Variants in TTBK1 observed in about 807,000 individuals in gnomAD.
The protein encoded by TTBK1 is tau-tubulin kinase 1.
In TTBK1, 34 loss-of-function variants were observed where a neutral mutation model predicts 108.5. The observed-to-expected ratio is 0.31, with a 90% CI of 0.24 to 0.42. TTBK1 has a LOEUF of 0.42. Ranked by LOEUF, TTBK1 falls within the 10% of genes least tolerant of loss-of-function variation. TTBK1 has a pLI of 1.00. For missense variants in TTBK1, 1,539 were observed against 1,826.0 expected (o/e 0.84, Z 2.86); for synonymous variants, 809 against 795.1 (o/e 1.02, Z -0.29).
chr6:43,264,817 G>T (rs184362040), intron 13 of TTBK1, among the ~76,000 whole-genome samples: 43 of 152,292 alleles, frequency 2.8e-4, no homozygotes, highest in Admixed American at 1.3e-4. Context: ...GAGCCAAGGC[G>T]AGAGAGACTA....
intron 1 of TTBK1, among the ~76,000 whole-genome samples, chr6:43,245,394 TC>T (rs1777059469): frequency 6.6e-6 from 1 of 152,144 alleles, no homozygotes; most frequent in African/African-American, 2.4e-5. Context: ...CCAAATCCTG[TC>T]CTGGGTTGGC....
rs1435782131 is a variant in TTBK1, at chr6:43,259,369, G to A, written c.1248+100G>A. 5.1e-5 allele frequency: 65 copies of A among 1,277,970 alleles called. No homozygotes were observed. Among genetic ancestry groups the A allele is most frequent in the South Asian group, 7.5e-5 (5 of 66,258 alleles). The allele number at this position is 1,277,970 out of a possible 1,614,324, so 79.2% of individuals were successfully genotyped here. The stretch of plus-strand genomic sequence containing the variant: ...TGTTCCTCCTAAGCACCCTGTCCCC[G>A]GCCATCTGCCTGCTTGCCCTGCCTC... On this transcript the variant is annotated intron_variant, in intron 11 of 14. Transcript: ENST00000259750. The surrounding 1 kb of genome is among the most constrained non-coding windows in gnomAD (Gnocchi z 6.7).
chr6:43,257,693 A>T lies in TTBK1; in HGVS notation c.862-119A>T. The T allele has an allele frequency of 1.0e-6, 1 of 988,402 alleles. No individual in the cohort carries two copies. The highest frequency in any genetic ancestry group is 1.6e-5 in the South Asian group (1 of 61,782). The allele number at this position is 988,402 out of a possible 1,614,324, so 61.2% of individuals were successfully genotyped here. ...CCGTTCTCCTTCCAATGCCCCCTCC[A>T]GGCCCATTCCTGTCCTGGAAAGTCC... is the stretch of plus-strand genomic sequence containing the variant. On this transcript the variant is annotated intron_variant, in intron 9 of 14. Coordinates refer to ENST00000259750, the MANE Select transcript of TTBK1 (RefSeq NM_032538.3). The surrounding 1 kb of genome is among the most constrained non-coding windows in gnomAD (Gnocchi z 4.5).
At chr6:43,250,187 C>G (rs559557965) in intron 2 of TTBK1, among the ~76,000 whole-genome samples, 1 of 152,048 alleles carries the variant, frequency 6.6e-6, no homozygotes, top group African/African-American at 2.4e-5. Flanking sequence ...TTGGCTGTCC[C>G]GAGCCTTCCT....
rs187383638 is a variant in TTBK1 at position 43,254,427 on chromosome 6, C to A, written c.472-120C>A. The stretch of plus-strand genomic sequence containing the variant: ...ACATGTGAATACTGACGTTTCCTTG[C>A]GGGCGAGTGAATGTGGGGCTGAAAG... On this transcript the variant is annotated intron_variant, in intron 5 of 14. Transcript: ENST00000259750. 1.7e-5 allele frequency: 11 copies of A among 642,770 alleles called. No homozygotes were observed. The African/African-American group carries it at 2.1e-4, about 12-fold the overall frequency. 39.8% of individuals were successfully genotyped at this position (642,770 alleles called of 1,614,324 possible).
At chr6:43,275,260 A>G (rs1203910156) in intron 13 of TTBK1, among the ~76,000 whole-genome samples, 1 of 150,944 alleles carries the variant, frequency 6.6e-6, no homozygotes, top group African/African-American at 2.4e-5. Flanking sequence ...CGCCCCACAC[A>G]GCGCCCCGCG....
intron 2 of TTBK1, among the ~76,000 whole-genome samples, chr6:43,250,971 GC>G (rs1777222882): frequency 6.6e-6 from 1 of 152,184 alleles, no homozygotes; most frequent in Non-Finnish European, 1.5e-5. Context: ...TCCCCTCCTG[GC>G]TCTGAGATCC....
Position 43,262,797 on chromosome 6 carries a change from T to C in TTBK1, c.1433T>C (p.Met478Thr), listed in dbSNP as rs1402530516. Residue 478 changes from methionine (M) to threonine (T), a missense_variant, in exon 13 of 15, where the codon ATG (methionine) becomes ACG (threonine). Transcript: ENST00000259750. ...RVELPERRSR[M>T]DLPGSPSRQA... ...GAGGGGTGGCTTTGCAGGTCACGGA[T>C]GGATCTGCCTGGCTCGCCCTCGCGC... The C allele has an allele frequency of 3.8e-6, 6 of 1,565,942 alleles. No individual in the cohort carries two copies. The highest frequency in any genetic ancestry group is 5.2e-6 in the Non-Finnish European group (6 of 1,152,058).
intron 12 of TTBK1, among the ~76,000 whole-genome samples, chr6:43,260,311 T>TC (rs34777449): frequency 1.3e-5 from 2 of 152,232 alleles, no homozygotes; most frequent in South Asian, 2.1e-4. Context: ...CAGGGCCCGG[T>TC]CCCCATCTGT....
rs1005402926 is a variant in TTBK1, at chr6:43,259,909, G to A, written c.1424+203G>A. Among the ~76,000 whole-genome samples the A allele has an allele frequency of 2.0e-5, 3 of 152,212 alleles. No individual in the cohort carries two copies. Among genetic ancestry groups the A allele is most frequent in the South Asian group, 2.1e-4 (1 of 4,828 alleles). On this transcript the variant is annotated intron_variant, in intron 12 of 14. Coordinates refer to ENST00000259750, the MANE Select transcript of TTBK1 (RefSeq NM_032538.3). The surrounding 1 kb of genome is among the most constrained non-coding windows in gnomAD (Gnocchi z 6.7). ...CCAGTGGGGGATCCAGAGAGGTCCC[G>A]GCTCATGCCAGGAAACGTAATTGGG...
In TTBK1 at chr6:43,275,051, C is replaced by G. The variant is rs1483634366; in HGVS notation, c.1987-7676C>G. On this transcript the variant is annotated intron_variant, in intron 13 of 14. Coordinates refer to ENST00000259750, the MANE Select transcript of TTBK1 (RefSeq NM_032538.3). ...TCCACTTGGCCACTCACTAACCGGC[C>G]CTCACGCACTCACACTCACACCCAC... Among the ~76,000 whole-genome samples the G allele has an allele frequency of 2.6e-5, 4 of 152,080 alleles. 1 individual carries two copies. Among genetic ancestry groups the G allele is most frequent in the Admixed American group, 2.6e-4 (4 of 15,280 alleles).
At chr6:43,272,760 G>GGTCT in intron 13 of TTBK1, 1 of 782,386 alleles carries the variant, frequency 1.3e-6, no homozygotes, top group South Asian at 5.8e-5. Flanking sequence ...TCGAGTTGCT[G>GGTCT]GTCTCCGGTT....
Position 43,259,303 on chromosome 6 carries a change from C to G in TTBK1, c.1248+34C>G, listed in dbSNP as rs1777465816. 12 of 1,499,374 alleles carry G rather than the reference C, an allele frequency of 8.0e-6. No individual in the cohort carries two copies. The highest frequency in any genetic ancestry group is 1.1e-5 in the Non-Finnish European group (12 of 1,113,616). 92.9% of individuals were successfully genotyped at this position (1,499,374 alleles called of 1,614,324 possible). A position where few individuals can be genotyped will look rare whatever the true frequency, so the allele number is the denominator to read the frequency against. On this transcript the variant is annotated intron_variant, in intron 11 of 14. Coordinates refer to ENST00000259750, the MANE Select transcript of TTBK1 (RefSeq NM_032538.3). This position sits in a 1 kb window ranked among gnomAD's most constrained non-coding sequence, Gnocchi z 6.7. ...CGCCAGGGCGAAGGGCGTGGGTGGC[C>G]TTTTCTCTCACCCCCGATTCCCAGC...
chr6:43,254,933 C>A lies in TTBK1; in HGVS notation c.577-116C>A, dbSNP rs1582481329. Reference sequence around the variant, plus strand: ...GGACTGGAAGGTCAGAGAGCAGGCCCACCTCCCCAGCCAGGGGAGGTGGTC... The same window carrying A: ...GGACTGGAAGGTCAGAGAGCAGGCCAACCTCCCCAGCCAGGGGAGGTGGTC... On this transcript the variant is annotated intron_variant, in intron 6 of 14. Transcript: ENST00000259750. The A allele has an allele frequency of 2.8e-6, 3 of 1,063,676 alleles. No homozygotes were observed. In the East Asian group the frequency reaches 7.1e-5, roughly 25 times the overall value. The allele number at this position is 1,063,676 out of a possible 1,614,324, so 65.9% of individuals were successfully genotyped here. A position where few individuals can be genotyped will look rare whatever the true frequency, so the allele number is the denominator to read the frequency against.
intron 13 of TTBK1, chr6:43,272,504 G>A (rs1312091250): frequency 2.0e-6 from 2 of 985,358 alleles, no homozygotes; most frequent in Admixed American, 1.2e-4. Context: ...CTGTGGGAGA[G>A]GGTGTGTCCT....
At position 43,281,111 on chromosome 6, in the gene TTBK1, C is replaced by T. The variant is rs184519757; in HGVS notation, c.1987-1616C>T. Among the ~76,000 whole-genome samples, 162 of 152,192 alleles carry T rather than the reference C, an allele frequency of 1.1e-3. 1 individual carries two copies. Among genetic ancestry groups the T allele is most frequent in the Admixed American group, 8.4e-3 (129 of 15,274 alleles). ...GTCTTAGGCCAGGCGTGGTGGCTCACGCCTGTAATCCCAGCACTCTGGGAG... is the reference window on the plus strand; with the variant it reads ...GTCTTAGGCCAGGCGTGGTGGCTCATGCCTGTAATCCCAGCACTCTGGGAG... On this transcript the variant is annotated intron_variant, in intron 13 of 14. Coordinates refer to ENST00000259750, the MANE Select transcript of TTBK1 (RefSeq NM_032538.3).
At chr6:43,249,509 T>A (rs1340322887) in intron 2 of TTBK1, among the ~76,000 whole-genome samples, 1 of 152,114 alleles carries the variant, frequency 6.6e-6, no homozygotes, top group East Asian at 1.9e-4. Context: ...AAGAGGAATA[T>A]ATTAATATTA....
At chr6:43,251,701 G>T (rs907169599) in intron 2 of TTBK1, among the ~76,000 whole-genome samples, 4 of 152,178 alleles carry the variant, frequency 2.6e-5, no homozygotes, top group Admixed American at 6.5e-5. Flanking sequence ...GAGGCTGGAG[G>T]GGGGAGACGA....
At chr6:43,248,108 G>A (rs1777148276) in intron 2 of TTBK1, 1 of 152,228 alleles carries the variant, frequency 6.6e-6, no homozygotes, top group Admixed American at 6.5e-5. Flanking sequence ...CTGAAGTGGT[G>A]AGGAAAAGAC....
Sources: gnomAD v4.1 joint callset for allele counts (sites outside exome capture counted in the v4.1 genomes callset) on GRCh38, gnomAD v4.1.1 for gene constraint, Gnocchi (gnomAD v3.1) non-coding constraint, MANE v1.5 for transcripts, NCBI Gene and HGNC (gene_info 2026-07-23, HGNC 2026-07-21) for gene names.